Variants in KDM4C observed in about 807,000 individuals in gnomAD.
The protein encoded by KDM4C is lysine demethylase 4C.
A neutral mutation model predicts 129.3 loss-of-function variants in KDM4C; 81 were observed. The ratio of observed to expected loss-of-function variants is 0.63; its 90% CI spans 0.52 to 0.75. KDM4C has a LOEUF of 0.75. Among genes scored for constraint, KDM4C ranks in the 30% least tolerant of loss-of-function variants. The probability of loss-of-function intolerance (pLI) is 0.00; values close to 1 mark genes in which losing one functional copy is unlikely to be tolerated. For synonymous variants in KDM4C, 573 were observed against 456.1 expected (o/e 1.26, Z -3.26); for missense variants, 1,457 against 1,304.0 (o/e 1.12, Z -1.81).
At chr9:6,749,266 A>G (rs1186655985) in intron 1 of KDM4C, among the ~76,000 whole-genome samples, 1 of 151,954 alleles carries the variant, frequency 6.6e-6, no homozygotes, top group African/African-American at 2.4e-5. Flanking sequence ...TGATTCACTC[A>G]CCTCAGCCTC....
At chr9:6,729,907 C>G (rs1327093918) in intron 1 of KDM4C, among the ~76,000 whole-genome samples, 1 of 133,766 alleles carries the variant, frequency 7.5e-6, no homozygotes, top group Non-Finnish European at 1.5e-5. Context: ...GTCAGGAGTT[C>G]AAGACCAGCC....
intron 5 of KDM4C, among the ~76,000 whole-genome samples, chr9:6,861,102 C>A (rs7043359): frequency 0.22 from 33,242 of 152,186 alleles, 4,026 homozygotes; most frequent in Middle Eastern, 0.38. Context: ...GAAACTAACA[C>A]ATCTATAATT....
intron 2 of KDM4C, 77 bp downstream of exon 2, chr9:6,793,209 G>T: frequency 6.7e-7 from 1 of 1,499,808 alleles, no homozygotes; most frequent in South Asian, 1.2e-5. Flanking sequence ...CACGATTTGG[G>T]ACATTGTTTC....
At chr9:7,159,681 G>A (rs974252809) in intron 19 of KDM4C, among the ~76,000 whole-genome samples, 1 of 152,206 alleles carries the variant, frequency 6.6e-6, no homozygotes, top group Non-Finnish European at 1.5e-5. Context: ...CTGGCTTGTA[G>A]GGTTTCTGCT....
chr9:6,775,913 A>G (rs1292022707), intron 1 of KDM4C, among the ~76,000 whole-genome samples: 2 of 152,196 alleles, frequency 1.3e-5, no homozygotes, highest in African/African-American at 4.8e-5. Flanking sequence ...GCATCTACCC[A>G]TTAGATGCAA....
At chr9:7,046,354 G>C (rs75528126) in intron 15 of KDM4C, among the ~76,000 whole-genome samples, 1,724 of 152,012 alleles carry the variant, frequency 0.011, 30 homozygotes, top group African/African-American at 0.037. Context: ...AGAGTGAGGC[G>C]CAAGTGTTAC....
intron 8 of KDM4C, 121 bp downstream of exon 8, chr9:6,893,353 C>T: frequency 3.0e-6 from 2 of 669,986 alleles, no homozygotes; most frequent in Non-Finnish European, 4.7e-6. Flanking sequence ...GTGCCTCTCA[C>T]CACAGCAATT....
intron 5 of KDM4C, among the ~76,000 whole-genome samples, chr9:6,856,289 T>G (rs1839793976): frequency 6.6e-6 from 1 of 152,150 alleles, no homozygotes; most frequent in South Asian, 2.1e-4. Flanking sequence ...TTTAGTAACT[T>G]TAGACCCAGT....
chr9:7,082,936 A>G (rs977377161), intron 17 of KDM4C, among the ~76,000 whole-genome samples: 50 of 152,322 alleles, frequency 3.3e-4, no homozygotes, highest in Non-Finnish European at 1.9e-4. Context: ...TTTACTATTG[A>G]TATTAATAGC....
At chr9:7,173,119 A>T (rs1376325560) in intron 21 of KDM4C, among the ~76,000 whole-genome samples, 1 of 152,200 alleles carries the variant, frequency 6.6e-6, no homozygotes, top group South Asian at 2.1e-4. Context: ...CCTCACCTTT[A>T]TGGGGTTCCC....
At chr9:6,756,881 C>T (rs900442745), upstream of KDM4C, among the ~76,000 whole-genome samples, 3 of 152,092 alleles carry the variant, frequency 2.0e-5, no homozygotes, top group Non-Finnish European at 2.9e-5. Flanking sequence ...TAAGCGGTGT[C>T]GATATATTTT....
intron 17 of KDM4C, among the ~76,000 whole-genome samples, chr9:7,072,003 C>G (rs1022424309): frequency 6.6e-6 from 1 of 152,152 alleles, no homozygotes; most frequent in East Asian, 1.9e-4. Flanking sequence ...AAAATTTTAT[C>G]TTACACTTCA....
intron 4 of KDM4C, among the ~76,000 whole-genome samples, chr9:6,836,338 C>T (rs540556627): frequency 4.6e-5 from 7 of 152,122 alleles, no homozygotes; most frequent in Non-Finnish European, 2.9e-5. Flanking sequence ...TGCCATTGCA[C>T]TCCAGCCTGG....
intron 1 of KDM4C, among the ~76,000 whole-genome samples, chr9:6,775,996 G>T (rs2130694841): frequency 6.6e-6 from 1 of 152,262 alleles, no homozygotes; most frequent in South Asian, 2.1e-4. Context: ...AATCACCCCT[G>T]GTTGAGAACC....
At chr9:6,732,237 C>T (rs756168293) in intron 1 of KDM4C, among the ~76,000 whole-genome samples, 2 of 151,006 alleles carry the variant, frequency 1.3e-5, no homozygotes, top group Admixed American at 1.3e-4. Context: ...TGGTGGTGGG[C>T]GCCTGTAGTC....
chr9:7,052,036 A>G (rs1434221249), intron 17 of KDM4C, among the ~76,000 whole-genome samples: 2 of 152,202 alleles, frequency 1.3e-5, no homozygotes, highest in Non-Finnish European at 2.9e-5. Context: ...AGATATAGAC[A>G]GAAAGAGAAC....
chr9:6,808,714 G>A (rs1181343959), intron 3 of KDM4C, among the ~76,000 whole-genome samples: 2 of 147,430 alleles, frequency 1.4e-5, no homozygotes, highest in South Asian at 2.2e-4. Context: ...AAAAAAAGAA[G>A]TGGCACACTG....
chr9:6,828,711 A>G lies in KDM4C; in HGVS notation c.435+13966A>G, dbSNP rs146395613. Among the ~76,000 whole-genome samples the G allele has an allele frequency of 5.5e-3, 841 of 152,146 alleles. 10 individuals carry two copies. Among genetic ancestry groups the G allele is most frequent in the African/African-American group, 0.019 (803 of 41,504 alleles). On this transcript the variant is annotated intron_variant, in intron 4 of 21. Coordinates refer to ENST00000381309, the MANE Select transcript of KDM4C (RefSeq NM_015061.6). ...AGTGGAGAAACCTCGTCTCTACTAA[A>G]AAATATAAAATTAGCCGGGCGTGGT... is the stretch of plus-strand genomic sequence containing the variant.
chr9:7,158,840 G>T (rs772632594), intron 19 of KDM4C, among the ~76,000 whole-genome samples: 1 of 152,204 alleles, frequency 6.6e-6, no homozygotes, highest in Non-Finnish European at 1.5e-5. Context: ...GGAGAGTCCT[G>T]TAGATGTCTT....
Sources: allele counts gnomAD v4.1 joint callset (sites outside exome capture counted in the v4.1 genomes callset), GRCh38; gene constraint gnomAD v4.1.1; transcripts MANE v1.5; gene names NCBI Gene and HGNC (gene_info 2026-07-23, HGNC 2026-07-21).